Variants in OXR1 observed in about 807,000 individuals in gnomAD.
OXR1 encodes oxidation resistance 1.
A neutral mutation model predicts 104.6 loss-of-function variants in OXR1; 41 were observed. The ratio of observed to expected loss-of-function variants is 0.39; its 90% confidence interval spans 0.31 to 0.51. OXR1 has a LOEUF of 0.51. Among genes scored for constraint, OXR1 ranks in the 20% least tolerant of loss-of-function variants. The probability of loss-of-function intolerance (pLI) is 0.77; values close to 1 mark genes in which losing one functional copy is unlikely to be tolerated. For missense variants in OXR1, 955 were observed against 1,031.9 expected (o/e 0.93, Z 1.02); for synonymous variants, 348 against 348.4 (o/e 1.00, Z 0.01).
chr8:106,625,282 A>G (rs1380413527), intron 3 of OXR1, among the ~76,000 whole-genome samples: 1 of 152,166 alleles, frequency 6.6e-6, no homozygotes, highest in Non-Finnish European at 1.5e-5. Context: ...GTGTACCTGT[A>G]ATCCCAGCTT....
chr8:106,356,740 A>T (rs1481280168), intron 1 of OXR1, among the ~76,000 whole-genome samples: 2 of 23,588 alleles, frequency 8.5e-5, no homozygotes, highest in African/African-American at 1.5e-3. Flanking sequence ...AAATAATAAT[A>T]AAAAAAAAGG....
chr8:106,608,428 C>G (rs1820566685), intron 3 of OXR1, among the ~76,000 whole-genome samples: 1 of 152,084 alleles, frequency 6.6e-6, no homozygotes, highest in Non-Finnish European at 1.5e-5. Context: ...GTTGGGTCAT[C>G]TTGGTGGTGG....
chr8:106,638,693 G>A (rs189285661), intron 3 of OXR1, among the ~76,000 whole-genome samples: 2 of 152,258 alleles, frequency 1.3e-5, no homozygotes, highest in Admixed American at 1.3e-4. Flanking sequence ...CTGAGTTCAG[G>A]ACTAGCCTGG....
chr8:106,694,531 TTA>T (rs1221212739), intron 7 of OXR1, among the ~76,000 whole-genome samples: 2 of 132,072 alleles, frequency 1.5e-5, no homozygotes, highest in Admixed American at 8.5e-5. Context: ...ATAAATATGT[TTA>T]TATATATTTG....
At chr8:106,547,372 T>C (rs944516808) in intron 3 of OXR1, among the ~76,000 whole-genome samples, 1 of 152,184 alleles carries the variant, frequency 6.6e-6, no homozygotes, top group African/African-American at 2.4e-5. Context: ...CTATTCTAGG[T>C]ACCTCATAGA....
intron 2 of OXR1, among the ~76,000 whole-genome samples, chr8:106,435,049 C>T (rs1023375261): frequency 2.0e-5 from 3 of 152,138 alleles, no homozygotes; most frequent in African/African-American, 7.2e-5. Flanking sequence ...CAGGTGTCAC[C>T]TCTAAGGAAG....
intron 3 of OXR1, among the ~76,000 whole-genome samples, chr8:106,666,792 G>A (rs74517944): frequency 0.017 from 2,649 of 152,220 alleles, 78 homozygotes; most frequent in African/African-American, 0.06. Flanking sequence ...ATCCAGGATC[G>A]GGGTGGGGGT....
chr8:106,333,338 T>A (rs7828782), intron 1 of OXR1, among the ~76,000 whole-genome samples: 12,663 of 152,128 alleles, frequency 0.083, 590 homozygotes, highest in African/African-American at 0.12. Context: ...TATTTATCTT[T>A]TTATTGCTGA....
chr8:106,682,228 T>C (rs369688138), intron 4 of OXR1, among the ~76,000 whole-genome samples: 4 of 152,176 alleles, frequency 2.6e-5, no homozygotes, highest in East Asian at 3.9e-4. Context: ...AAAATGACTT[T>C]TAGTTGCACT....
At chr8:106,567,625 T>A (rs776210366) in intron 3 of OXR1, among the ~76,000 whole-genome samples, 13 of 152,200 alleles carry the variant, frequency 8.5e-5, no homozygotes, top group Non-Finnish European at 1.8e-4. Flanking sequence ...ATTTGGAAGC[T>A]TACATTTGTG....
chr8:106,706,525 C>A lies in OXR1; in HGVS notation c.1004C>A (p.Ser335Tyr). ...CCTAGGAGCACTGAGGAGTCTCTTTCTGAAGATGTGTTCACAGAATCAGAA... is the reference window on the plus strand; with the variant it reads ...CCTAGGAGCACTGAGGAGTCTCTTTATGAAGATGTGTTCACAGAATCAGAA... ...TAPRSTEESL[S>Y]EDVFTESELS... Residue 335 changes from serine (S) to tyrosine (Y), a missense_variant, in exon 9 of 17, where the codon TCT becomes TAT. Transcript: ENST00000517566. The A allele has an allele frequency of 6.2e-7, 1 of 1,606,658 alleles. No homozygotes were observed. Among genetic ancestry groups the A allele is most frequent in the Non-Finnish European group, 8.5e-7 (1 of 1,178,216 alleles).
intron 3 of OXR1, among the ~76,000 whole-genome samples, chr8:106,646,165 G>C (rs1824061620): frequency 3.3e-5 from 5 of 151,730 alleles, no homozygotes; most frequent in Admixed American, 3.3e-4. Flanking sequence ...GAGTGCAGTG[G>C]CGTGATCTCG....
intron 1 of OXR1, among the ~76,000 whole-genome samples, chr8:106,296,940 A>T (rs924161493): frequency 3.0e-4 from 46 of 152,328 alleles, no homozygotes; most frequent in African/African-American, 1.0e-3. Context: ...TCCTTGAAAA[A>T]GTTAGTCTTC....
At chr8:106,465,177 G>T (rs538269069) in intron 2 of OXR1, among the ~76,000 whole-genome samples, 3 of 151,896 alleles carry the variant, frequency 2.0e-5, no homozygotes, top group African/African-American at 7.2e-5. Context: ...ATCGATACTG[G>T]AAGGAAGTGA....
chr8:106,564,806 G>A (rs919211388), intron 3 of OXR1, among the ~76,000 whole-genome samples: 2 of 152,252 alleles, frequency 1.3e-5, no homozygotes, highest in East Asian at 1.9e-4. Context: ...CTTCATCCCT[G>A]GGATGCAAGG....
At chr8:106,680,729 A>G (rs1344242854) in intron 4 of OXR1, among the ~76,000 whole-genome samples, 1 of 152,116 alleles carries the variant, frequency 6.6e-6, no homozygotes, top group Non-Finnish European at 1.5e-5. Flanking sequence ...GTGAGACCCA[A>G]ACTTTTTTTC....
Position 106,679,251 on chromosome 8 carries a change from C to CGAAT in OXR1, c.264_267dup (p.Ser90AsnfsTer7). On this transcript the variant is annotated frameshift_variant, in exon 4 of 17. Transcript: ENST00000517566. LOFTEE classifies it high-confidence loss of function. Reference sequence around the variant, plus strand: ...GACCCTAGACAAGAAAGATGGAAGACGAATGTCTTTTCAGAAACCTAAAGG... The same window carrying CGAAT: ...GACCCTAGACAAGAAAGATGGAAGACGAATGAATGTCTTTTCAGAAACCTAAAGG... 1 of 1,610,088 alleles carries CGAAT rather than the reference C, an allele frequency of 6.2e-7. No homozygotes were observed. Among genetic ancestry groups the CGAAT allele is most frequent in the Non-Finnish European group, 8.5e-7 (1 of 1,177,210 alleles).
intron 1 of OXR1, among the ~76,000 whole-genome samples, chr8:106,308,653 A>T (rs1372890041): frequency 6.6e-6 from 1 of 152,198 alleles, no homozygotes; most frequent in Non-Finnish European, 1.5e-5. Flanking sequence ...ATATCTAAAC[A>T]TCAGGAAGCT....
chr8:106,288,149 C>T (rs1368502592), intron 1 of OXR1, among the ~76,000 whole-genome samples: 1 of 152,092 alleles, frequency 6.6e-6, no homozygotes, highest in Non-Finnish European at 1.5e-5. Flanking sequence ...AGATGGGGTC[C>T]CTGGGCTATG....
Sources: gnomAD v4.1 joint callset for allele counts (sites outside exome capture counted in the v4.1 genomes callset) on GRCh38, gnomAD v4.1.1 for gene constraint, MANE v1.5 for transcripts, NCBI Gene and HGNC (gene_info 2026-07-23, HGNC 2026-07-21) for gene names.